ITGA4: variants seen among roughly 807,000 people sequenced by gnomAD.
ITGA4 encodes the protein integrin alpha-4.
In ITGA4, 63 loss-of-function variants were observed where a neutral mutation model predicts 133.6. The ratio of observed to expected loss-of-function variants is 0.47; its 90% CI spans 0.38 to 0.58. ITGA4 has a LOEUF of 0.58. Among genes scored for constraint, ITGA4 ranks in the 20% least tolerant of loss-of-function variants. ITGA4 has a pLI of 0.00. For missense variants in ITGA4, 1,076 were observed against 1,252.7 expected, an observed-to-expected ratio of 0.86 and a Z score of 2.13; for synonymous variants, 483 against 438.0, an observed-to-expected ratio of 1.10 and a Z score of -1.28.
chr2:181,509,135 TAAAAAAAAAAAA>T (rs57180154), intron 15 of ITGA4, among the ~76,000 whole-genome samples: 1 of 44,640 alleles, frequency 2.2e-5, no homozygotes, highest in African/African-American at 1.0e-4. Flanking sequence ...TCCCATCTCT[TAAAAAAAAAAAA>T]AAAAAAAAAA....
chr2:181,517,403 G>A (rs1314141419), intron 17 of ITGA4, among the ~76,000 whole-genome samples: 2 of 152,074 alleles, frequency 1.3e-5, no homozygotes, highest in East Asian at 1.9e-4. Context: ...GCCTGGTGCT[G>A]CGGTACATCA....
At position 181,530,745 on chromosome 2, in the gene ITGA4, A is replaced by T. The variant is rs1686928226; in HGVS notation, c.2664+96A>T. ...ATGGGTTTGAGCTGTCACTTCAATA[A>T]TAAGAGAGAAGACAAGTTTAGGTAG... On this transcript the variant is annotated intron_variant, in intron 24 of 27. Coordinates refer to ENST00000397033, the MANE Select transcript of ITGA4 (RefSeq NM_000885.6). 2.7e-6 allele frequency: 3 copies of T among 1,102,988 alleles called. No homozygotes were observed. The Admixed American group carries it at 6.0e-5, about 22-fold the overall frequency. The allele number at this position is 1,102,988 out of a possible 1,614,324, so 68.3% of individuals were successfully genotyped here.
intron 10 of ITGA4, among the ~76,000 whole-genome samples, chr2:181,489,456 A>AAT (rs1685994800): frequency 2.6e-5 from 4 of 152,168 alleles, no homozygotes; most frequent in African/African-American, 9.7e-5. Flanking sequence ...TTTTTATTTC[A>AAT]TATGTAAAAT....
chr2:181,475,313 TAGATAA>T (rs761879608), intron 4 of ITGA4, 25 bp downstream of exon 4: 22 of 1,573,764 alleles, frequency 1.4e-5, no homozygotes, highest in Admixed American at 8.6e-5. Flanking sequence ...TGATACGAAT[TAGATAA>T]AGATAAGTAA....
intron 2 of ITGA4, chr2:181,459,230 C>G (rs1685208043): frequency 6.6e-6 from 1 of 152,118 alleles, no homozygotes; most frequent in African/African-American, 2.4e-5. Flanking sequence ...TAGGTGGGAA[C>G]TAAAGTCAAA....
chr2:181,529,688 C>A, intron 23 of ITGA4, 40 bp downstream of exon 23: 1 of 1,003,144 alleles, frequency 1.0e-6, no homozygotes, highest in Non-Finnish European at 1.6e-6. Flanking sequence ...TATTGTGTGT[C>A]TTAAATACTA....
rs1323029154 is a variant in ITGA4 at position 181,475,033 on chromosome 2, T to G, written c.393T>G (p.Leu131=). The change falls in exon 3 of 28, where the codon CTT becomes CTG. Residue 131 remains leucine, a synonymous_variant. Coordinates refer to ENST00000397033, the MANE Select transcript of ITGA4 (RefSeq NM_000885.6). ...ERDNQWLGVT[L]SRQPGENGSI... is the part of the protein sequence containing the mutation. ...ACAATCAGTGGTTGGGGGTCACACT[T>G]TCCAGACAGCCAGGAGAAAATGGAT... 1 of 1,613,956 alleles carries G rather than the reference T, an allele frequency of 6.2e-7. No individual in the cohort carries two copies. The highest frequency in any genetic ancestry group is 8.5e-7 in the Non-Finnish European group (1 of 1,179,956).
intron 2 of ITGA4, among the ~76,000 whole-genome samples, chr2:181,468,142 C>T (rs148311649): frequency 2.2e-3 from 333 of 152,294 alleles, no homozygotes; most frequent in African/African-American, 7.3e-3. Flanking sequence ...CAGAAACCCT[C>T]GGAGATAGGC....
intron 4 of ITGA4, chr2:181,475,814 C>T: frequency 6.3e-7 from 1 of 1,599,250 alleles, no homozygotes; most frequent in Non-Finnish European, 8.5e-7. Context: ...TAACTCTATG[C>T]TATAGGTAGC....
In ITGA4 at chr2:181,495,451, T is replaced by G; in HGVS notation, c.1385+35T>G. 2.0e-6 allele frequency: 3 copies of G among 1,489,954 alleles called. No individual in the cohort carries two copies. The highest frequency in any genetic ancestry group is 2.8e-6 in the Non-Finnish European group (3 of 1,067,296). The allele number at this position is 1,489,954 out of a possible 1,614,324, so 92.3% of individuals were successfully genotyped here. ...ATATATTTCACTGCTTAATTGCAATTTGGTTTAATTGTAAAATGATGGGAG... is the reference window on the plus strand; with the variant it reads ...ATATATTTCACTGCTTAATTGCAATGTGGTTTAATTGTAAAATGATGGGAG... On this transcript the variant is annotated intron_variant, in intron 13 of 27. Transcript: ENST00000397033. The surrounding 1 kb of genome is among the most constrained non-coding windows in gnomAD (Gnocchi z 4.3).
At position 181,458,253 on chromosome 2, in the gene ITGA4, C is replaced by T. The variant is rs780323276; in HGVS notation, c.255C>T (p.Pro85=). 1.2e-6 allele frequency: 2 copies of T among 1,613,398 alleles called. No homozygotes were observed. The highest frequency in any genetic ancestry group is 1.7e-6 in the Non-Finnish European group (2 of 1,179,772). Residue 85 remains proline (P), a synonymous_variant, in exon 2 of 28, where the codon CCC becomes CCT. Coordinates refer to ENST00000397033, the MANE Select transcript of ITGA4 (RefSeq NM_000885.6). ...NWLANASVIN[P]GAIYRCRIGK... is the part of the protein sequence containing the mutation. ...TCGCCAACGCTTCAGTGATCAATCCCGGGGCGATTTACAGATGCAGGATCG... is the reference window on the plus strand; with the variant it reads ...TCGCCAACGCTTCAGTGATCAATCCTGGGGCGATTTACAGATGCAGGATCG...
chr2:181,493,359 G>GCAAGGTGCTATTTATA lies in ITGA4; in HGVS notation c.1189_1204dup (p.Ile402ThrfsTer23). On this transcript the variant is annotated frameshift_variant, in exon 11 of 28. Coordinates refer to ENST00000397033, the MANE Select transcript of ITGA4 (RefSeq NM_000885.6). LOFTEE classifies it high-confidence loss of function. ...TCGGAGCTCCACAAGAAGATGACTT[G>GCAAGGTGCTATTTATA]CAAGGTGCTATTTATATTTACAATG... 3 of 1,612,602 alleles carry GCAAGGTGCTATTTATA rather than the reference G, an allele frequency of 1.9e-6. No homozygotes were observed. Among genetic ancestry groups the GCAAGGTGCTATTTATA allele is most frequent in the Non-Finnish European group, 2.5e-6 (3 of 1,178,926 alleles).
intron 2 of ITGA4, among the ~76,000 whole-genome samples, chr2:181,467,656 T>G (rs1180981018): frequency 6.6e-6 from 1 of 152,280 alleles, no homozygotes; most frequent in East Asian, 1.9e-4. Flanking sequence ...GTACAGTCTG[T>G]GGGCATATTT....
intron 2 of ITGA4, among the ~76,000 whole-genome samples, chr2:181,468,109 T>C (rs1426414789): frequency 6.6e-6 from 1 of 152,184 alleles, no homozygotes; most frequent in Non-Finnish European, 1.5e-5. Flanking sequence ...GTCACACATA[T>C]CTCATTTACT....
intron 4 of ITGA4, chr2:181,475,676 G>A: frequency 9.4e-7 from 1 of 1,058,586 alleles, no homozygotes; most frequent in Non-Finnish European, 1.3e-6. Flanking sequence ...GCTTCCAGGA[G>A]TAATTGGGAA....
chr2:181,457,799 A>C lies in ITGA4; in HGVS notation c.145A>C (p.Asn49His), dbSNP rs1345681044. 1 of 1,613,748 alleles carries C rather than the reference A, an allele frequency of 6.2e-7. No homozygotes were observed. The highest frequency in any genetic ancestry group is 1.1e-5 in the South Asian group (1 of 91,048). ...ESALLYQGPH[N>H]TLFGYSVVLH... ...CGCGCTGCTTTACCAGGGCCCCCAC[A>C]ACACGCTGTTCGGCTACTCGGTCGT... The change falls in exon 1 of 28, where the codon AAC (asparagine) becomes CAC (histidine). Residue 49 changes from asparagine (N) to histidine (H), a missense_variant. Transcript: ENST00000397033.
chr2:181,496,209 A>G (rs946605208), intron 14 of ITGA4, among the ~76,000 whole-genome samples: 5 of 152,226 alleles, frequency 3.3e-5, no homozygotes, highest in African/African-American at 1.2e-4. Flanking sequence ...AGGTAAACCA[A>G]CTGAGCTTAA....
chr2:181,537,412 T>C lies in ITGA4; in HGVS notation c.*1885T>C, dbSNP rs186858218. Reference sequence around the variant, plus strand: ...GATTTTGCCCAGTTCAAAATAGTATTTGTTATCAACTTACTTTGTTACTTG... The same window carrying C: ...GATTTTGCCCAGTTCAAAATAGTATCTGTTATCAACTTACTTTGTTACTTG... On this transcript the variant is annotated 3_prime_UTR_variant, in exon 28 of 28. Coordinates refer to ENST00000397033, the MANE Select transcript of ITGA4 (RefSeq NM_000885.6). 6.6e-6 allele frequency: 3 copies of C among 453,996 alleles called. No individual in the cohort carries two copies. The highest frequency in any genetic ancestry group is 7.0e-5 in the East Asian group (1 of 14,382). The allele number at this position is 453,996 out of a possible 1,614,324, so 28.1% of individuals were successfully genotyped here.
At chr2:181,517,097 G>T (rs759840397) in intron 17 of ITGA4, among the ~76,000 whole-genome samples, 2 of 151,870 alleles carry the variant, frequency 1.3e-5, no homozygotes, top group South Asian at 4.1e-4. Context: ...GAATTTTTCA[G>T]TATTGTCTTT....
Sources: allele counts gnomAD v4.1 joint callset (sites outside exome capture counted in the v4.1 genomes callset), GRCh38; gene constraint gnomAD v4.1.1; non-coding constraint Gnocchi (gnomAD v3.1); transcripts MANE v1.5; gene names NCBI Gene and HGNC (gene_info 2026-07-23, HGNC 2026-07-21).